The following TNFAIP8 variants were observed in gnomAD, a reference collection of about 807,000 sequenced individuals.
TNFAIP8 encodes the protein tumor necrosis factor alpha-induced protein 8.
In TNFAIP8, 7 loss-of-function variants were observed where a neutral mutation model predicts 13.3. That is an observed-to-expected ratio of 0.52 (90% CI 0.30 to 0.99). The LOEUF (loss-of-function observed/expected upper bound fraction) is 0.99. Ranked by LOEUF, TNFAIP8 falls within the 50% of genes least tolerant of loss-of-function variation. The pLI is 0.07. For synonymous variants in TNFAIP8, 94 were observed against 87.6 expected, an observed-to-expected ratio of 1.07 and a Z score of -0.41; for missense variants, 258 against 236.9, an observed-to-expected ratio of 1.09 and a Z score of -0.58.
chr5:119,316,913 C>G (rs780720086), intron 1 of TNFAIP8, among the ~76,000 whole-genome samples: 86 of 152,096 alleles, frequency 5.7e-4, no homozygotes, highest in Admixed American at 2.2e-3. Flanking sequence ...TTCAAAGCAT[C>G]CCACAATGCA....
At chr5:119,381,158 C>T (rs1237104809) in intron 1 of TNFAIP8, among the ~76,000 whole-genome samples, 1 of 152,208 alleles carries the variant, frequency 6.6e-6, no homozygotes, top group Non-Finnish European at 1.5e-5. Context: ...GCCTCCGGCG[C>T]TTCTGTGGTG....
chr5:119,291,495 A>G (rs180927127), intron 1 of TNFAIP8, among the ~76,000 whole-genome samples: 12 of 152,358 alleles, frequency 7.9e-5, no homozygotes, highest in African/African-American at 2.2e-4. Flanking sequence ...GGAAATTTGG[A>G]ATAATAATTT....
At chr5:119,268,979 G>C (rs985362576) in intron 1 of TNFAIP8, 2 of 643,336 alleles carry the variant, frequency 3.1e-6, no homozygotes, top group Admixed American at 2.6e-5. Flanking sequence ...GCTGCGGGCT[G>C]CTCTCGGGGA....
intron 1 of TNFAIP8, chr5:119,333,465 T>A: frequency 7.0e-7 from 1 of 1,423,160 alleles, no homozygotes; most frequent in Non-Finnish European, 9.2e-7. Flanking sequence ...GTATAAATTA[T>A]TTTGAATTAT....
At chr5:119,383,670 G>A (rs1378049628) in intron 1 of TNFAIP8, among the ~76,000 whole-genome samples, 1 of 152,100 alleles carries the variant, frequency 6.6e-6, no homozygotes, top group Non-Finnish European at 1.5e-5. Context: ...GCTTAGTTAT[G>A]CAGGGAGAAA....
At chr5:119,328,950 C>T (rs11959964) in intron 1 of TNFAIP8, among the ~76,000 whole-genome samples, 14,542 of 152,228 alleles carry the variant, frequency 0.096, 792 homozygotes, top group African/African-American at 0.16. Flanking sequence ...TTATTGCAGC[C>T]AGCACTCGGT....
chr5:119,396,147 C>A lies in TNFAIP8; in HGVS notation c.*2766C>A, dbSNP rs140670257. 1 of 152,288 alleles carries A rather than the reference C, an allele frequency of 6.6e-6. No homozygotes were observed. The highest frequency in any genetic ancestry group is 1.5e-5 in the Non-Finnish European group (1 of 68,028). 9.4% of individuals were successfully genotyped at this position (152,288 alleles called of 1,614,324 possible). A position where few individuals can be genotyped will look rare whatever the true frequency, so the allele number is the denominator to read the frequency against. On this transcript the variant is annotated 3_prime_UTR_variant, in exon 2 of 2. Coordinates refer to ENST00000504771, the MANE Select transcript of TNFAIP8 (RefSeq NM_014350.4). ...GTCCCAGCCGGAATATGTATAAAAT[C>A]TTATTTTCACTTAAAGATGATATGG...
chr5:119,278,379 GT>G, intron 1 of TNFAIP8, among the ~76,000 whole-genome samples: 1 of 26,756 alleles, frequency 3.7e-5, no homozygotes, highest in Non-Finnish European at 7.9e-5. Context: ...GAGAGAGAGT[GT>G]GTGTGTGTGT....
chr5:119,269,659 CAG>C (rs1186757499), intron 1 of TNFAIP8, among the ~76,000 whole-genome samples: 1 of 152,164 alleles, frequency 6.6e-6, no homozygotes, highest in Non-Finnish European at 1.5e-5. Context: ...TTCGAAAACA[CAG>C]AAGCTCTAAG....
intron 1 of TNFAIP8, among the ~76,000 whole-genome samples, chr5:119,366,377 G>A (rs1221692820): frequency 6.6e-6 from 1 of 152,154 alleles, no homozygotes; most frequent in Non-Finnish European, 1.5e-5. Flanking sequence ...TTCTGAGGCA[G>A]GATTAATGCA....
chr5:119,353,648 T>TTATAAGACTGACGGAGC (rs1554178071), upstream of TNFAIP8, among the ~76,000 whole-genome samples: 2 of 151,194 alleles, frequency 1.3e-5, no homozygotes, highest in Non-Finnish European at 2.9e-5. Context: ...CTAAAATGAA[T>TTATAAGACTGACGGAGC]TATAAGGCTG....
chr5:119,299,432 A>C (rs1749287246), intron 1 of TNFAIP8, among the ~76,000 whole-genome samples: 2 of 152,296 alleles, frequency 1.3e-5, no homozygotes, highest in South Asian at 4.1e-4. Flanking sequence ...GATTTTCGTG[A>C]ACCGCGAATG....
At chr5:119,306,570 C>G (rs544674396) in intron 1 of TNFAIP8, 2 of 152,124 alleles carry the variant, frequency 1.3e-5, no homozygotes, top group Non-Finnish European at 2.9e-5. Context: ...TGGGCTCAAG[C>G]GATCCTCCTG....
intron 1 of TNFAIP8, among the ~76,000 whole-genome samples, chr5:119,286,675 G>C (rs979481829): frequency 3.3e-5 from 5 of 152,000 alleles, no homozygotes; most frequent in African/African-American, 9.7e-5. Context: ...GACAGGGTAT[G>C]GGCCTGCCCT....
At chr5:119,390,835 C>G (rs1370788476) in intron 1 of TNFAIP8, among the ~76,000 whole-genome samples, 1 of 151,880 alleles carries the variant, frequency 6.6e-6, no homozygotes, top group Admixed American at 6.6e-5. Context: ...TTAATTTTTT[C>G]TGAGACAGGG....
intron 1 of TNFAIP8, among the ~76,000 whole-genome samples, chr5:119,314,549 C>G (rs1173304536): frequency 3.3e-5 from 5 of 152,306 alleles, no homozygotes; most frequent in South Asian, 2.1e-4. Context: ...TTTCTTCTAA[C>G]CTTGTCCAAC....
At chr5:119,385,410 G>A (rs1752631735) in intron 1 of TNFAIP8, among the ~76,000 whole-genome samples, 1 of 152,058 alleles carries the variant, frequency 6.6e-6, no homozygotes, top group East Asian at 1.9e-4. Flanking sequence ...TTTATTTTTG[G>A]CCCATTACCT....
intron 1 of TNFAIP8, among the ~76,000 whole-genome samples, chr5:119,376,051 A>G (rs1480308076): frequency 6.6e-6 from 1 of 152,146 alleles, no homozygotes; most frequent in East Asian, 1.9e-4. Context: ...CATTTAGAAT[A>G]AACACTTTCC....
At chr5:119,348,539 G>C (rs1352862489) in intron 1 of TNFAIP8, among the ~76,000 whole-genome samples, 1 of 152,120 alleles carries the variant, frequency 6.6e-6, no homozygotes, top group Non-Finnish European at 1.5e-5. Flanking sequence ...ATGAATGTCT[G>C]TTGCCGGTGA....
Sources: gnomAD v4.1 joint callset for allele counts (sites outside exome capture counted in the v4.1 genomes callset) on GRCh38, gnomAD v4.1.1 for gene constraint, MANE v1.5 for transcripts, NCBI Gene and HGNC (gene_info 2026-07-23, HGNC 2026-07-21) for gene names.